The following CNTN5 variants were observed in gnomAD, a reference collection of about 807,000 sequenced individuals.
CNTN5 encodes contactin 5, also known as contactin-5.
CNTN5 carries 77 observed loss-of-function variants against 129.1 expected under a neutral mutation model. The observed-to-expected ratio is 0.60, with a 90% CI of 0.50 to 0.72. CNTN5 has a LOEUF of 0.72. Among genes scored for constraint, CNTN5 ranks in the 30% least tolerant of loss-of-function variants. The pLI is 0.00. For missense variants in CNTN5, 1,478 were observed against 1,328.8 expected (o/e 1.11, Z -1.75); for synonymous variants, 509 against 465.6 (o/e 1.09, Z -1.20).
At chr11:99,838,589 A>C (rs2135659996) in intron 4 of CNTN5, among the ~76,000 whole-genome samples, 1 of 152,336 alleles carries the variant, frequency 6.6e-6, no homozygotes, top group East Asian at 1.9e-4. Context: ...GTCTTTCATG[A>C]GGCTGCAGTC....
intron 15 of CNTN5, among the ~76,000 whole-genome samples, chr11:100,221,484 A>C (rs55743631): frequency 0.026 from 3,927 of 152,280 alleles, 183 homozygotes; most frequent in African/African-American, 0.09. Flanking sequence ...AAAGAATTCG[A>C]CTTGGGTGGA....
intron 1 of CNTN5, among the ~76,000 whole-genome samples, chr11:99,184,800 C>T (rs1018811721): frequency 6.6e-6 from 1 of 151,962 alleles, no homozygotes; most frequent in Admixed American, 6.6e-5. Context: ...TATCCCAGCC[C>T]TATACCTAAA....
At chr11:100,113,830 A>G (rs11222824) in intron 13 of CNTN5, among the ~76,000 whole-genome samples, 61,646 of 151,844 alleles carry the variant, frequency 0.41, 14,291 homozygotes, top group East Asian at 0.71. Context: ...CACAAGCTCA[A>G]AAGTCTCCAT....
At chr11:99,104,483 C>G (rs1221279864) in intron 1 of CNTN5, among the ~76,000 whole-genome samples, 1 of 152,006 alleles carries the variant, frequency 6.6e-6, no homozygotes, top group African/African-American at 2.4e-5. Context: ...ATGTATTGCA[C>G]AGTATGATGG....
intron 2 of CNTN5, among the ~76,000 whole-genome samples, chr11:99,510,630 G>A (rs1946800370): frequency 6.6e-6 from 1 of 152,134 alleles, no homozygotes; most frequent in Non-Finnish European, 1.5e-5. Flanking sequence ...TGCTTCAATA[G>A]TGGAGCTGAA....
intron 2 of CNTN5, among the ~76,000 whole-genome samples, chr11:99,515,080 G>A (rs1946995660): frequency 6.6e-6 from 1 of 152,018 alleles, no homozygotes; most frequent in East Asian, 1.9e-4. Flanking sequence ...ATTGAAAACA[G>A]GTCACTGAAC....
chr11:99,722,469 G>A (rs1168767236), intron 3 of CNTN5, among the ~76,000 whole-genome samples: 1 of 151,994 alleles, frequency 6.6e-6, no homozygotes, highest in Admixed American at 6.6e-5. Flanking sequence ...AGACACTGGG[G>A]TCTACTTCTT....
intron 21 of CNTN5, among the ~76,000 whole-genome samples, chr11:100,314,248 G>A (rs1951532774): frequency 6.6e-6 from 1 of 152,012 alleles, no homozygotes; most frequent in Non-Finnish European, 1.5e-5. Flanking sequence ...AAATGGTTAA[G>A]AGCAAAATTC....
intron 8 of CNTN5, among the ~76,000 whole-genome samples, chr11:99,968,086 A>C (rs188220210): frequency 9.9e-4 from 150 of 151,964 alleles, no homozygotes; most frequent in African/African-American, 3.3e-3. Context: ...CATGTACACA[A>C]CCAGGCTTCT....
At chr11:99,837,397 A>G (rs1033934601) in intron 4 of CNTN5, among the ~76,000 whole-genome samples, 2 of 152,164 alleles carry the variant, frequency 1.3e-5, no homozygotes, top group Non-Finnish European at 2.9e-5. Context: ...CTCTCCATAC[A>G]GAAAGTTTTG....
chr11:99,363,317 A>G (rs1315279515), intron 2 of CNTN5, among the ~76,000 whole-genome samples: 1 of 152,118 alleles, frequency 6.6e-6, no homozygotes, highest in African/African-American at 2.4e-5. Context: ...AATTTCTCAA[A>G]AGTTTGTTAA....
intron 2 of CNTN5, among the ~76,000 whole-genome samples, chr11:99,425,777 T>C (rs1461970282): frequency 6.6e-6 from 1 of 152,212 alleles, no homozygotes; most frequent in Non-Finnish European, 1.5e-5. Flanking sequence ...AGTGTGGGGC[T>C]CCTGCCAGCT....
chr11:99,538,549 A>G (rs1947984776), intron 2 of CNTN5, among the ~76,000 whole-genome samples: 1 of 152,228 alleles, frequency 6.6e-6, no homozygotes, highest in Admixed American at 6.5e-5. Flanking sequence ...TCATAAAAAT[A>G]ATAGATACAT....
Position 99,217,059 on chromosome 11 carries a change from A to T in CNTN5, c.-209-108287A>T, listed in dbSNP as rs541370132. On this transcript the variant is annotated intron_variant, in intron 1 of 24. Coordinates refer to ENST00000524871, the MANE Select transcript of CNTN5 (RefSeq NM_014361.4). Reference sequence around the variant, plus strand: ...TTAGCCACGTGTGGCATGTGCCTGTAGTCCCAGCTACTCGGGAGGCTGAGG... The same window carrying T: ...TTAGCCACGTGTGGCATGTGCCTGTTGTCCCAGCTACTCGGGAGGCTGAGG... Among the ~76,000 whole-genome samples the T allele has an allele frequency of 1.5e-4, 23 of 152,296 alleles. 1 individual carries two copies. In the South Asian group the frequency reaches 4.8e-3, roughly 32 times the overall value.
At chr11:99,538,426 G>A (rs1486800434) in intron 2 of CNTN5, among the ~76,000 whole-genome samples, 3 of 152,010 alleles carry the variant, frequency 2.0e-5, no homozygotes, top group African/African-American at 7.2e-5. Flanking sequence ...GTGTATATTA[G>A]CGCTAATTAT....
chr11:99,407,483 G>A (rs1261461681), intron 2 of CNTN5, among the ~76,000 whole-genome samples: 1 of 152,104 alleles, frequency 6.6e-6, no homozygotes, highest in Non-Finnish European at 1.5e-5. Flanking sequence ...GGAAGGAAGG[G>A]GTCTCTTTCG....
At chr11:99,857,522 T>A (rs1948077639) in intron 6 of CNTN5, among the ~76,000 whole-genome samples, 1 of 152,162 alleles carries the variant, frequency 6.6e-6, no homozygotes, top group African/African-American at 2.4e-5. Flanking sequence ...CCCAAATAGA[T>A]GATAGTCAAA....
At chr11:99,761,178 G>A (rs1247011648) in intron 3 of CNTN5, among the ~76,000 whole-genome samples, 1 of 152,090 alleles carries the variant, frequency 6.6e-6, no homozygotes, top group East Asian at 1.9e-4. Flanking sequence ...TTTTAAGGCT[G>A]TTCAGAGTTG....
At chr11:99,352,237 G>A (rs1334803485) in intron 2 of CNTN5, among the ~76,000 whole-genome samples, 1 of 149,086 alleles carries the variant, frequency 6.7e-6, no homozygotes, top group Non-Finnish European at 1.5e-5. Context: ...CCTGTGGAGT[G>A]ACCTCACAGC....
Sources: allele counts gnomAD v4.1 joint callset (sites outside exome capture counted in the v4.1 genomes callset), GRCh38; gene constraint gnomAD v4.1.1; transcripts MANE v1.5; gene names NCBI Gene and HGNC (gene_info 2026-07-23, HGNC 2026-07-21).